The following ATOSA variants were observed in gnomAD, a reference collection of about 807,000 sequenced individuals.
ATOSA encodes the protein atos homolog A, also known as atos homolog protein A.
chr15:52,625,816 G>T, the ATOSA span, among the ~76,000 whole-genome samples: 1 of 152,196 alleles, frequency 6.6e-6, no homozygotes, highest in Non-Finnish European at 1.5e-5. Context: ...CCTGAGTTGT[G>T]AATTGTTTTA....
the ATOSA span, among the ~76,000 whole-genome samples, chr15:52,670,918 G>A: frequency 6.6e-6 from 1 of 152,130 alleles, no homozygotes; most frequent in Non-Finnish European, 1.5e-5. Flanking sequence ...TCCAAGAATG[G>A]GTCCCAAATC....
the ATOSA span, among the ~76,000 whole-genome samples, chr15:52,670,892 C>A: frequency 6.6e-6 from 1 of 152,240 alleles, no homozygotes; most frequent in African/African-American, 2.4e-5. Context: ...GATAAGTAAA[C>A]AGGTTTGGGA....
At chr15:52,635,179 T>C in the ATOSA span, among the ~76,000 whole-genome samples, 10,808 of 152,124 alleles carry the variant, frequency 0.071, 518 homozygotes, top group Middle Eastern at 0.13. Flanking sequence ...TAAGGAGAAA[T>C]AGAAACACCC....
chr15:52,628,972 C>T, the ATOSA span, among the ~76,000 whole-genome samples: 2 of 152,132 alleles, frequency 1.3e-5, no homozygotes, highest in African/African-American at 4.8e-5. Context: ...TCCTGAAGGG[C>T]CATTCTCTTC....
At chr15:52,604,796 C>T in the ATOSA span, among the ~76,000 whole-genome samples, 1 of 151,918 alleles carries the variant, frequency 6.6e-6, no homozygotes, top group Admixed American at 6.6e-5. Context: ...TCAAAAACAG[C>T]AATAGTTTTA....
chr15:52,641,954 C>G, the ATOSA span, among the ~76,000 whole-genome samples: 5 of 152,182 alleles, frequency 3.3e-5, no homozygotes, highest in Admixed American at 2.6e-4. Flanking sequence ...TAACTTCAGG[C>G]AGCCAAGTAT....
the ATOSA span, chr15:52,609,416 C>A: frequency 8.1e-6 from 13 of 1,613,736 alleles, no homozygotes; most frequent in Non-Finnish European, 1.1e-5. Flanking sequence ...ATATGTGATG[C>A]TGTTGGATCA....
the ATOSA span, among the ~76,000 whole-genome samples, chr15:52,618,969 C>T: frequency 2.0e-5 from 3 of 152,272 alleles, no homozygotes; most frequent in South Asian, 6.2e-4. Flanking sequence ...AGATGACTTA[C>T]TGAACTTAGT....
chr15:52,601,480 A>G, the ATOSA span, among the ~76,000 whole-genome samples: 33 of 150,860 alleles, frequency 2.2e-4, no homozygotes, highest in African/African-American at 2.7e-4. Flanking sequence ...GCTTTTTTGT[A>G]TACTTCTCTA....
the ATOSA span, among the ~76,000 whole-genome samples, chr15:52,694,402 G>A: frequency 6.6e-6 from 1 of 152,040 alleles, no homozygotes; most frequent in Admixed American, 6.5e-5. Context: ...CTGACCTCAG[G>A]TGATCCGCTT....
chr15:52,641,751 G>C, the ATOSA span, among the ~76,000 whole-genome samples: 7 of 152,172 alleles, frequency 4.6e-5, no homozygotes, highest in African/African-American at 1.7e-4. Context: ...TATAAGGTTG[G>C]TAAGAACAGA....
chr15:52,625,371 C>T, the ATOSA span, among the ~76,000 whole-genome samples: 1 of 152,016 alleles, frequency 6.6e-6, no homozygotes, highest in African/African-American at 2.4e-5. Context: ...TTTATGTGTA[C>T]ACTATTATTT....
At chr15:52,596,955 G>A in the ATOSA span, among the ~76,000 whole-genome samples, 7 of 152,254 alleles carry the variant, frequency 4.6e-5, no homozygotes, top group East Asian at 1.4e-3. Flanking sequence ...CAGGAAAAGA[G>A]GATCAACATC....
the ATOSA span, among the ~76,000 whole-genome samples, chr15:52,622,901 T>C: frequency 1.3e-5 from 2 of 152,050 alleles, no homozygotes; most frequent in Admixed American, 1.3e-4. Context: ...GATGGGTGGA[T>C]TGCTTAAGCC....
At chr15:52,633,351 A>G in the ATOSA span, among the ~76,000 whole-genome samples, 1 of 152,230 alleles carries the variant, frequency 6.6e-6, no homozygotes, top group African/African-American at 2.4e-5. Context: ...AAAATATATA[A>G]AAGAACTGTT....
chr15:52,618,520 G>C, the ATOSA span, among the ~76,000 whole-genome samples: 1 of 152,128 alleles, frequency 6.6e-6, no homozygotes, highest in Non-Finnish European at 1.5e-5. Context: ...CAATGAGAGA[G>C]TGAAAGAAAG....
the ATOSA span, among the ~76,000 whole-genome samples, chr15:52,634,471 T>C: frequency 6.6e-6 from 1 of 151,148 alleles, no homozygotes; most frequent in Non-Finnish European, 1.5e-5. Flanking sequence ...TAAGCCCATC[T>C]ATATCAACAA....
chr15:52,637,682 C>T, the ATOSA span, among the ~76,000 whole-genome samples: 1 of 152,218 alleles, frequency 6.6e-6, no homozygotes, highest in South Asian at 2.1e-4. Context: ...ATTAAATCTC[C>T]ATAATGGACC....
At chr15:52,653,460 G>C in the ATOSA span, among the ~76,000 whole-genome samples, 1 of 152,076 alleles carries the variant, frequency 6.6e-6, no homozygotes, top group African/African-American at 2.4e-5. Flanking sequence ...TTAGCCAGAG[G>C]GAGAGCTGCT....
Sources: allele counts gnomAD v4.1 joint callset (sites outside exome capture counted in the v4.1 genomes callset), GRCh38; gene constraint gnomAD v4.1.1; transcripts MANE v1.5; gene names NCBI Gene and HGNC (gene_info 2026-07-23, HGNC 2026-07-21).